RHOH: variants seen among roughly 807,000 people sequenced by gnomAD.
RHOH encodes the protein ras homolog family member H, also known as rho-related GTP-binding protein RhoH.
In RHOH, 6 loss-of-function variants were observed where a neutral mutation model predicts 13.8. That is an observed-to-expected ratio of 0.44 (90% CI 0.24 to 0.86). The LOEUF (loss-of-function observed/expected upper bound fraction) is 0.86, where lower values mean the gene tolerates loss of function less well. RHOH is among the 40% of genes least tolerant of loss of function. The probability of loss-of-function intolerance (pLI) is 0.24; values close to 1 mark genes in which losing one functional copy is unlikely to be tolerated. For missense variants in RHOH, 147 were observed against 244.5 expected, an observed-to-expected ratio of 0.60 and a Z score of 2.66; for synonymous variants, 117 against 103.0, an observed-to-expected ratio of 1.14 and a Z score of -0.82.
chr4:40,215,443 GT>G (rs2109423028), intron 1 of RHOH, among the ~76,000 whole-genome samples: 1 of 152,294 alleles, frequency 6.6e-6, no homozygotes, highest in South Asian at 2.1e-4. Flanking sequence ...AGTTACCTGG[GT>G]GGACTCCAAT....
Position 40,243,531 on chromosome 4 carries a change from G to T in RHOH, c.145G>T (p.Gly49Cys). 1 of 1,614,022 alleles carries T rather than the reference G, an allele frequency of 6.2e-7. No homozygotes were observed. The highest frequency in any genetic ancestry group is 8.5e-7 in the Non-Finnish European group (1 of 1,180,010). The change falls in exon 3 of 3, where the codon GGC (glycine) becomes TGC (cysteine). Residue 49 changes from glycine (G) to cysteine (C), a missense_variant. Physicochemically the swap from Gly to Cys is radical, Grantham distance 159 (BLOSUM62 -3). Transcript: ENST00000381799. The surrounding 1 kb of genome is among the most constrained non-coding windows in gnomAD (Gnocchi z 6.2). Reference sequence around the variant, plus strand: ...CACAGGGGTGGACGTCTTCATGGATGGCATCCAGATCAGCCTGGGCCTCTG... The same window carrying T: ...CACAGGGGTGGACGTCTTCATGGATTGCATCCAGATCAGCCTGGGCCTCTG... ...ENTGVDVFMD[G>C]IQISLGLWDT...
intron 1 of RHOH, chr4:40,212,610 G>C (rs1725396607): frequency 6.6e-6 from 1 of 152,190 alleles, no homozygotes; most frequent in South Asian, 2.1e-4. Flanking sequence ...GAATGGGACT[G>C]GATGCACATT....
chr4:40,237,091 A>T (rs1030913687), intron 1 of RHOH, among the ~76,000 whole-genome samples: 2 of 152,244 alleles, frequency 1.3e-5, no homozygotes, highest in Non-Finnish European at 2.9e-5. Flanking sequence ...GAAAAAGTTT[A>T]GAGATGGTTA....
At chr4:40,238,228 C>T (rs189508002) in intron 1 of RHOH, among the ~76,000 whole-genome samples, 52 of 151,310 alleles carry the variant, frequency 3.4e-4, no homozygotes, top group East Asian at 1.8e-3. Flanking sequence ...GATCTGGCAG[C>T]GGCTGGGGAG....
At chr4:40,216,367 G>T (rs1725892967) in intron 1 of RHOH, among the ~76,000 whole-genome samples, 1 of 151,872 alleles carries the variant, frequency 6.6e-6, no homozygotes, top group Admixed American at 6.6e-5. Flanking sequence ...TACTCCAGAG[G>T]CTGAGGCAGG....
At chr4:40,208,865 A>G (rs190366490) in intron 1 of RHOH, among the ~76,000 whole-genome samples, 2 of 152,192 alleles carry the variant, frequency 1.3e-5, no homozygotes, top group African/African-American at 2.4e-5. Flanking sequence ...AAAAATATAT[A>G]CATATAATAT....
chr4:40,229,841 A>T (rs1435900568), intron 1 of RHOH, among the ~76,000 whole-genome samples: 5 of 152,100 alleles, frequency 3.3e-5, no homozygotes, highest in Non-Finnish European at 7.3e-5. Context: ...ATATAAAATA[A>T]ATCCCTGACA....
intron 1 of RHOH, among the ~76,000 whole-genome samples, chr4:40,210,508 C>G (rs1419232879): frequency 6.6e-6 from 1 of 152,112 alleles, no homozygotes; most frequent in Non-Finnish European, 1.5e-5. Context: ...AGAATTTTCC[C>G]GGAGGCCTCC....
At chr4:40,221,598 C>T (rs1726592298) in intron 1 of RHOH, among the ~76,000 whole-genome samples, 1 of 152,164 alleles carries the variant, frequency 6.6e-6, no homozygotes, top group Admixed American at 6.5e-5. Context: ...TATAAGATAG[C>T]AAACTTAATG....
intron 1 of RHOH, among the ~76,000 whole-genome samples, chr4:40,213,370 TTTTC>T (rs1725500244): frequency 6.6e-6 from 1 of 151,484 alleles, no homozygotes; most frequent in Non-Finnish European, 1.5e-5. Flanking sequence ...CTTTTTTTTT[TTTTC>T]TCTCTCTCTC....
At chr4:40,211,463 G>A (rs1401305243) in intron 1 of RHOH, among the ~76,000 whole-genome samples, 4 of 151,982 alleles carry the variant, frequency 2.6e-5, no homozygotes, top group East Asian at 3.9e-4. Context: ...TAGCAGAGAC[G>A]GGCTTTCACT....
At chr4:40,208,224 C>T (rs1462328246) in intron 1 of RHOH, among the ~76,000 whole-genome samples, 1 of 152,088 alleles carries the variant, frequency 6.6e-6, no homozygotes, top group Admixed American at 6.6e-5. Flanking sequence ...GTGCTCCTTC[C>T]TTTATAAATT....
chr4:40,211,259 T>A (rs114495236), intron 1 of RHOH, among the ~76,000 whole-genome samples: 1,979 of 152,242 alleles, frequency 0.013, 34 homozygotes, highest in African/African-American at 0.033. Flanking sequence ...CTATTTTTTT[T>A]AAATTTTATT....
At chr4:40,198,197 G>C (rs1435396467) in intron 1 of RHOH, among the ~76,000 whole-genome samples, 2 of 152,216 alleles carry the variant, frequency 1.3e-5, no homozygotes, top group Non-Finnish European at 2.9e-5. Context: ...GGGCAAACTG[G>C]AGTTGTCAGG....
intron 1 of RHOH, among the ~76,000 whole-genome samples, chr4:40,221,721 A>C (rs1726607820): frequency 6.6e-6 from 1 of 152,194 alleles, no homozygotes; most frequent in East Asian, 1.9e-4. Context: ...CCAGTTAATA[A>C]ACCTATAATG....
At chr4:40,204,711 G>A (rs1013648600) in intron 1 of RHOH, among the ~76,000 whole-genome samples, 2 of 152,202 alleles carry the variant, frequency 1.3e-5, no homozygotes, top group African/African-American at 4.8e-5. Flanking sequence ...AGACAGAAAT[G>A]CTGCTTCTCC....
chr4:40,239,630 G>T (rs1388840865), intron 1 of RHOH, among the ~76,000 whole-genome samples: 1 of 152,188 alleles, frequency 6.6e-6, no homozygotes, highest in Non-Finnish European at 1.5e-5. Flanking sequence ...TGTAATCCCA[G>T]CACTTTGGGA....
upstream of RHOH, among the ~76,000 whole-genome samples, chr4:40,194,894 T>C (rs950684034): frequency 6.6e-6 from 1 of 152,178 alleles, no homozygotes; most frequent in African/African-American, 2.4e-5. Flanking sequence ...AAACATGGTG[T>C]TTCACTTCAG....
At chr4:40,199,753 A>T (rs1484836592) in intron 1 of RHOH, among the ~76,000 whole-genome samples, 1 of 152,190 alleles carries the variant, frequency 6.6e-6, no homozygotes, top group Non-Finnish European at 1.5e-5. Flanking sequence ...TTCCATTTCT[A>T]CTTAGGAGTG....
Sources: gnomAD v4.1 joint callset for allele counts (sites outside exome capture counted in the v4.1 genomes callset) on GRCh38, gnomAD v4.1.1 for gene constraint, Gnocchi (gnomAD v3.1) non-coding constraint, MANE v1.5 for transcripts, NCBI Gene and HGNC (gene_info 2026-07-23, HGNC 2026-07-21) for gene names.